The following ADAM22 variants were observed in gnomAD, a reference collection of about 807,000 sequenced individuals.
ADAM22 encodes disintegrin and metalloproteinase domain-containing protein 22.
ADAM22 carries 65 observed loss-of-function variants against 144.6 expected under a neutral mutation model. The ratio of observed to expected loss-of-function variants is 0.45; its 90% CI spans 0.37 to 0.55. The LOEUF (loss-of-function observed/expected upper bound fraction) is 0.55, where lower values mean the gene tolerates loss of function less well. Ranked by LOEUF, ADAM22 falls within the 20% of genes least tolerant of loss-of-function variation. The probability of loss-of-function intolerance (pLI) is 0.00; values close to 1 mark genes in which losing one functional copy is unlikely to be tolerated. For missense variants in ADAM22, 974 were observed against 1,184.9 expected (o/e 0.82, Z 2.61); for synonymous variants, 391 against 412.6 (o/e 0.95, Z 0.63).
chr7:88,187,759 G>A (rs1443381506), intron 30 of ADAM22, among the ~76,000 whole-genome samples: 1 of 152,108 alleles, frequency 6.6e-6, no homozygotes, highest in Non-Finnish European at 1.5e-5. Flanking sequence ...ACCCGTATAA[G>A]GTGGACTCTC....
intron 25 of ADAM22, among the ~76,000 whole-genome samples, chr7:88,169,045 A>G (rs1474041162): frequency 6.6e-6 from 1 of 152,184 alleles, no homozygotes; most frequent in Non-Finnish European, 1.5e-5. Context: ...TACCTGGCCC[A>G]CAGTAAGCAC....
At position 88,199,204 on chromosome 7, in the gene ADAM22, A is replaced by C. The variant is rs556864883; in HGVS notation, c.*2713A>C. 6.6e-6 allele frequency: 1 copy of C among 152,222 alleles called. No individual in the cohort carries two copies. The highest frequency in any genetic ancestry group is 1.5e-5 in the Non-Finnish European group (1 of 68,046). 9.4% of individuals were successfully genotyped at this position (152,222 alleles called of 1,614,324 possible). On this transcript the variant is annotated 3_prime_UTR_variant, in exon 32 of 32. Transcript: ENST00000413139. ...TGGAGAGAAACTTTGAGGCCGTATC[A>C]CAGTTTATATCATGCAACTAATATT...
intron 13 of ADAM22, 21 bp downstream of exon 13, chr7:88,134,440 G>A: frequency 1.3e-6 from 2 of 1,536,692 alleles, no homozygotes; most frequent in Non-Finnish European, 1.8e-6. Context: ...GTACATGTGT[G>A]GTTAGTTGTA....
In ADAM22 at chr7:88,120,330, C is replaced by G. The variant is rs573931939; in HGVS notation, c.607+3516C>G. 3.3e-5 allele frequency among the ~76,000 whole-genome samples: 5 copies of G among 151,742 alleles called. No individual in the cohort carries two copies. In the South Asian group the frequency reaches 1.0e-3, roughly 32 times the overall value. On this transcript the variant is annotated intron_variant, in intron 7 of 31. Coordinates refer to ENST00000413139, the MANE Select transcript of ADAM22 (RefSeq NM_001324418.2). ...CTCCTAATGCTATCCCTCCCCCCTTCCCCCACCCCACAACAGGCCCTGGTG... is the reference window on the plus strand; with the variant it reads ...CTCCTAATGCTATCCCTCCCCCCTTGCCCCACCCCACAACAGGCCCTGGTG...
intron 26 of ADAM22, among the ~76,000 whole-genome samples, chr7:88,177,678 A>G (rs1292292718): frequency 6.6e-6 from 1 of 152,224 alleles, no homozygotes; most frequent in East Asian, 1.9e-4. Flanking sequence ...TTAAAATAAT[A>G]TGAGAGTATT....
intron 3 of ADAM22, among the ~76,000 whole-genome samples, chr7:88,040,691 G>A (rs558907494): frequency 3.9e-5 from 6 of 151,944 alleles, no homozygotes; most frequent in African/African-American, 1.4e-4. Context: ...CACTTTATGT[G>A]GTTCAGGATT....
At chr7:87,990,111 G>A (rs1433821372) in intron 3 of ADAM22, among the ~76,000 whole-genome samples, 1 of 151,868 alleles carries the variant, frequency 6.6e-6, no homozygotes, top group Non-Finnish European at 1.5e-5. Flanking sequence ...TACACTTGAT[G>A]TACTCTATAT....
intron 3 of ADAM22, among the ~76,000 whole-genome samples, chr7:88,023,824 C>T (rs1247364553): frequency 7.2e-6 from 1 of 138,666 alleles, no homozygotes; most frequent in African/African-American, 2.4e-5. Flanking sequence ...GCTACCCCCA[C>T]TTCCCCCCTA....
intron 4 of ADAM22, among the ~76,000 whole-genome samples, chr7:88,089,138 C>T (rs916721880): frequency 7.9e-5 from 12 of 150,994 alleles, no homozygotes; most frequent in Non-Finnish European, 1.3e-4. Flanking sequence ...AAAAGATGAA[C>T]ACAGGGGTTA....
chr7:88,169,268 T>TTAA (rs1843666431), intron 25 of ADAM22, among the ~76,000 whole-genome samples: 1 of 152,068 alleles, frequency 6.6e-6, no homozygotes, highest in South Asian at 2.1e-4. Flanking sequence ...AGACTATATA[T>TTAA]TAATGAGTAG....
chr7:87,961,038 A>G (rs1310863739), intron 2 of ADAM22, among the ~76,000 whole-genome samples: 2 of 152,216 alleles, frequency 1.3e-5, no homozygotes, highest in Admixed American at 6.5e-5. Context: ...TTCAAAGGTG[A>G]TAAGTACTAT....
At chr7:88,070,544 TG>T (rs1812458352) in intron 3 of ADAM22, among the ~76,000 whole-genome samples, 1 of 152,230 alleles carries the variant, frequency 6.6e-6, no homozygotes, top group African/African-American at 2.4e-5. Context: ...CAAGTTGCTT[TG>T]TTCATTTGTT....
At chr7:88,062,892 C>T (rs1243405206) in intron 3 of ADAM22, among the ~76,000 whole-genome samples, 4 of 152,144 alleles carry the variant, frequency 2.6e-5, no homozygotes, top group Non-Finnish European at 5.9e-5. Flanking sequence ...ATCAGTTGAG[C>T]AGTGAGAACA....
intron 17 of ADAM22, among the ~76,000 whole-genome samples, chr7:88,147,929 G>A (rs1014605923): frequency 1.3e-5 from 2 of 152,132 alleles, no homozygotes; most frequent in African/African-American, 4.8e-5. Flanking sequence ...GATGAGCAGG[G>A]TTCTTGTGTT....
In ADAM22 at chr7:88,088,525, A is replaced by G. The variant is rs1490799552; in HGVS notation, c.390+12833A>G. The stretch of plus-strand genomic sequence containing the variant: ...TCAATGACAGGAAAAAAAAAAAAAC[A>G]CTAGTAGAGGACAGCTGTAAGAAAT... On this transcript the variant is annotated intron_variant, in intron 4 of 31. Coordinates refer to ENST00000413139, the MANE Select transcript of ADAM22 (RefSeq NM_001324418.2). Among the ~76,000 whole-genome samples the G allele has an allele frequency of 8.7e-5, 13 of 149,582 alleles. No individual in the cohort carries two copies. The East Asian group carries it at 1.9e-3, about 22-fold the overall frequency.
rs1440319166 is a variant in ADAM22 at position 88,201,744 on chromosome 7, G to A, written c.*5253G>A. The A allele has an allele frequency of 6.6e-6, 1 of 152,094 alleles. No individual in the cohort carries two copies. The highest frequency in any genetic ancestry group is 2.4e-5 in the African/African-American group (1 of 41,418). The allele number at this position is 152,094 out of a possible 1,614,324, so 9.4% of individuals were successfully genotyped here. On this transcript the variant is annotated 3_prime_UTR_variant, in exon 32 of 32. Coordinates refer to ENST00000413139, the MANE Select transcript of ADAM22 (RefSeq NM_001324418.2). The stretch of plus-strand genomic sequence containing the variant: ...GAAATCAAAACCAGGCAATATGTGT[G>A]TTTTTGGTTTTGTTTTACAAAAAGG...
chr7:88,053,451 A>G (rs778042940), intron 3 of ADAM22, among the ~76,000 whole-genome samples: 13 of 152,036 alleles, frequency 8.6e-5, no homozygotes, highest in Non-Finnish European at 8.8e-5. Context: ...CCAGGGGAAC[A>G]GAGCAAGTAT....
intron 14 of ADAM22, among the ~76,000 whole-genome samples, chr7:88,142,644 C>T (rs1224654075): frequency 2.0e-5 from 3 of 152,094 alleles, no homozygotes; most frequent in Admixed American, 6.5e-5. Context: ...CGAGACCATC[C>T]TGGCTAACAC....
intron 3 of ADAM22, among the ~76,000 whole-genome samples, chr7:88,054,545 G>C (rs1252022561): frequency 1.3e-5 from 2 of 150,382 alleles, no homozygotes; most frequent in Non-Finnish European, 2.9e-5. Flanking sequence ...TCACCATTCT[G>C]TTCCCTTCCC....
Sources: gnomAD v4.1 joint callset for allele counts (sites outside exome capture counted in the v4.1 genomes callset) on GRCh38, gnomAD v4.1.1 for gene constraint, MANE v1.5 for transcripts, NCBI Gene and HGNC (gene_info 2026-07-23, HGNC 2026-07-21) for gene names.